RUNDC3B: variants seen among roughly 807,000 people sequenced by gnomAD.
RUNDC3B encodes the protein RUN domain-containing protein 3B.
RUNDC3B carries 33 observed loss-of-function variants against 58.4 expected under a neutral mutation model. The ratio of observed to expected loss-of-function variants is 0.56; its 90% CI spans 0.43 to 0.75. The LOEUF is 0.75. RUNDC3B is among the 30% of genes least tolerant of loss of function. The probability of loss-of-function intolerance (pLI) is 0.00; values close to 1 mark genes in which losing one functional copy is unlikely to be tolerated. For synonymous variants in RUNDC3B, 193 were observed against 195.2 expected (o/e 0.99, Z 0.10); for missense variants, 501 against 535.7 (o/e 0.94, Z 0.64).
intron 4 of RUNDC3B, among the ~76,000 whole-genome samples, chr7:87,721,081 A>C (rs545282555): frequency 6.6e-6 from 1 of 151,258 alleles, no homozygotes; most frequent in East Asian, 1.9e-4. Flanking sequence ...GTATGCAGAC[A>C]CAGAGTACTA....
In RUNDC3B at chr7:87,640,414, G is replaced by A. The variant is rs554640540; in HGVS notation, c.123-10408G>A. On this transcript the variant is annotated intron_variant, in intron 1 of 10. Transcript: ENST00000394654. ...TGCCCAGGCTGGAGTGCAGTAGTGCGATCATAGCTCACTGCAACCCTGAAC... is the reference window on the plus strand; with the variant it reads ...TGCCCAGGCTGGAGTGCAGTAGTGCAATCATAGCTCACTGCAACCCTGAAC... Among the ~76,000 whole-genome samples the A allele has an allele frequency of 1.3e-4, 20 of 152,038 alleles. 1 individual carries two copies. In the South Asian group the frequency reaches 3.7e-3, roughly 28 times the overall value.
At chr7:87,828,531 T>C (rs1294969266) in intron 10 of RUNDC3B, among the ~76,000 whole-genome samples, 1 of 152,210 alleles carries the variant, frequency 6.6e-6, no homozygotes, top group South Asian at 2.1e-4. Context: ...GTTTCATCCA[T>C]GTTGCTGCAA....
chr7:87,630,994 T>C (rs1408314325), intron 1 of RUNDC3B, among the ~76,000 whole-genome samples: 2 of 152,236 alleles, frequency 1.3e-5, no homozygotes, highest in African/African-American at 4.8e-5. Context: ...TACATAATTA[T>C]TATTTTCTAC....
intron 9 of RUNDC3B, among the ~76,000 whole-genome samples, chr7:87,812,646 A>G (rs1836790381): frequency 6.6e-6 from 1 of 152,242 alleles, no homozygotes; most frequent in Non-Finnish European, 1.5e-5. Context: ...ATATTTAACA[A>G]TGGAAAGGTA....
chr7:87,725,879 T>A (rs1244024907), intron 4 of RUNDC3B, among the ~76,000 whole-genome samples: 2 of 152,244 alleles, frequency 1.3e-5, no homozygotes, highest in African/African-American at 4.8e-5. Context: ...GTTGGCTGCA[T>A]AAATGTCTTC....
chr7:87,653,510 G>A (rs964675003), intron 2 of RUNDC3B, among the ~76,000 whole-genome samples: 5 of 151,940 alleles, frequency 3.3e-5, no homozygotes, highest in Admixed American at 6.6e-5. Context: ...TCTAACAGGG[G>A]GACATATAGT....
chr7:87,710,410 C>A (rs772507598), intron 3 of RUNDC3B, among the ~76,000 whole-genome samples, 160 bp from the exon 4 acceptor site: 52 of 152,112 alleles, frequency 3.4e-4, no homozygotes, highest in Non-Finnish European at 6.3e-4. Context: ...TCTAGATAAT[C>A]AAAATTTACC....
chr7:87,645,290 G>T (rs574201391), intron 1 of RUNDC3B, among the ~76,000 whole-genome samples: 45 of 151,802 alleles, frequency 3.0e-4, no homozygotes, highest in Non-Finnish European at 5.7e-4. Context: ...CATCATGTTG[G>T]CCAGGCAGGT....
chr7:87,701,496 G>T (rs1008316958), intron 3 of RUNDC3B, among the ~76,000 whole-genome samples: 5 of 152,140 alleles, frequency 3.3e-5, no homozygotes, highest in African/African-American at 9.7e-5. Context: ...TGATGGAACT[G>T]CATAACTTGT....
At chr7:87,747,605 G>C (rs1222213988) in intron 6 of RUNDC3B, among the ~76,000 whole-genome samples, 2 of 152,102 alleles carry the variant, frequency 1.3e-5, no homozygotes, top group African/African-American at 4.8e-5. Flanking sequence ...CCATCAGGTG[G>C]GGGCAGGGCT....
intron 2 of RUNDC3B, 38 bp from the exon 3 acceptor site, chr7:87,700,383 A>T: frequency 6.6e-7 from 1 of 1,520,508 alleles, no homozygotes; most frequent in Non-Finnish European, 8.9e-7. Context: ...GTTTTATTTT[A>T]CTTTTTAAAA....
At chr7:87,707,306 A>G (rs775061202) in intron 3 of RUNDC3B, among the ~76,000 whole-genome samples, 4 of 152,180 alleles carry the variant, frequency 2.6e-5, no homozygotes, top group Non-Finnish European at 5.9e-5. Context: ...AGCAATTATA[A>G]TAGGTTCAAG....
chr7:87,802,305 G>C (rs1441416402), intron 8 of RUNDC3B, among the ~76,000 whole-genome samples: 1 of 152,104 alleles, frequency 6.6e-6, no homozygotes, highest in Non-Finnish European at 1.5e-5. Context: ...AGAGGTGGAA[G>C]GATCACTTGA....
intron 2 of RUNDC3B, among the ~76,000 whole-genome samples, chr7:87,674,138 G>A (rs73705298): frequency 0.014 from 2,129 of 152,216 alleles, 52 homozygotes; most frequent in African/African-American, 0.049. Context: ...GGGTGGTACC[G>A]GCCAAACCAC....
chr7:87,741,252 G>A (rs1832310520), intron 5 of RUNDC3B, among the ~76,000 whole-genome samples: 1 of 151,728 alleles, frequency 6.6e-6, no homozygotes. Context: ...GATTAAGAAT[G>A]TTAACTGTTG....
rs1322092874 is a variant in RUNDC3B, at chr7:87,790,123, T to C, written c.956+12168T>C. ...GTATGACCTAGTGCAGTCCCAGTGATGGTGGCCATAGGAGGGCTTACATCA... is the reference window on the plus strand; with the variant it reads ...GTATGACCTAGTGCAGTCCCAGTGACGGTGGCCATAGGAGGGCTTACATCA... On this transcript the variant is annotated intron_variant, in intron 8 of 10. Transcript: ENST00000394654. 2.0e-5 allele frequency among the ~76,000 whole-genome samples: 3 copies of C among 152,322 alleles called. No individual in the cohort carries two copies. The East Asian group carries it at 5.8e-4, about 29-fold the overall frequency.
chr7:87,727,675 C>G (rs576022083), intron 4 of RUNDC3B, among the ~76,000 whole-genome samples: 1 of 151,940 alleles, frequency 6.6e-6, no homozygotes, highest in Non-Finnish European at 1.5e-5. Context: ...ATTCCTTGAG[C>G]GTGTATTGAG....
chr7:87,637,702 T>C (rs1821926738), intron 1 of RUNDC3B, among the ~76,000 whole-genome samples: 1 of 152,126 alleles, frequency 6.6e-6, no homozygotes. Context: ...TGAAAACTTT[T>C]CATTTTCTTG....
chr7:87,651,718 A>T (rs774209531), intron 2 of RUNDC3B, among the ~76,000 whole-genome samples: 1 of 152,138 alleles, frequency 6.6e-6, no homozygotes, highest in Admixed American at 6.6e-5. Context: ...TCTCAGGCGT[A>T]CTGTGAAGAT....
Sources: gnomAD v4.1 joint callset for allele counts (sites outside exome capture counted in the v4.1 genomes callset) on GRCh38, gnomAD v4.1.1 for gene constraint, MANE v1.5 for transcripts, NCBI Gene and HGNC (gene_info 2026-07-23, HGNC 2026-07-21) for gene names.